Variants in NUSAP1 observed in about 807,000 individuals in gnomAD.
NUSAP1 encodes the protein nucleolar and spindle associated protein 1.
In NUSAP1, 32 loss-of-function variants were observed where a neutral mutation model predicts 52.8. The ratio of observed to expected loss-of-function variants is 0.61; its 90% confidence interval spans 0.46 to 0.81. The LOEUF (loss-of-function observed/expected upper bound fraction) is 0.81. Ranked by LOEUF, NUSAP1 falls within the 40% of genes least tolerant of loss-of-function variation. The pLI is 0.00. For synonymous variants in NUSAP1, 195 were observed against 183.1 expected, an observed-to-expected ratio of 1.06 and a Z score of -0.52; for missense variants, 499 against 522.3, an observed-to-expected ratio of 0.96 and a Z score of 0.43.
intron 3 of NUSAP1, among the ~76,000 whole-genome samples, chr15:41,350,733 T>G (rs2140627972): frequency 6.6e-6 from 1 of 152,326 alleles, no homozygotes; most frequent in East Asian, 1.9e-4. Context: ...CTGTCTAGGT[T>G]TCTTCATTTG....
At chr15:41,355,500 C>T (rs1410950373) in intron 4 of NUSAP1, among the ~76,000 whole-genome samples, 3 of 151,802 alleles carry the variant, frequency 2.0e-5, no homozygotes, top group African/African-American at 7.3e-5. Flanking sequence ...TATATAACTT[C>T]TCCACAGGTG....
intron 7 of NUSAP1, among the ~76,000 whole-genome samples, chr15:41,371,219 CT>C (rs2049674417): frequency 6.6e-6 from 1 of 152,062 alleles, no homozygotes; most frequent in Non-Finnish European, 1.5e-5. Context: ...GGAAGGGGAG[CT>C]TTTGGCTTGC....
intron 4 of NUSAP1, among the ~76,000 whole-genome samples, chr15:41,355,298 G>C (rs1232212125): frequency 2.0e-5 from 3 of 151,646 alleles, no homozygotes; most frequent in African/African-American, 7.3e-5. Flanking sequence ...TCAGCCTCCT[G>C]AGTAGCTGGG....
chr15:41,345,610 C>T (rs1399074908), intron 2 of NUSAP1: 1 of 310,466 alleles, frequency 3.2e-6, no homozygotes, highest in African/African-American at 2.3e-5. Flanking sequence ...CAGGCATGCG[C>T]CACCACACCC....
intron 1 of NUSAP1, among the ~76,000 whole-genome samples, chr15:41,336,640 T>C (rs2048143913): frequency 2.0e-5 from 3 of 147,590 alleles, no homozygotes; most frequent in Admixed American, 2.0e-4. Context: ...TTGATCCTCC[T>C]CCTTTTGGTT....
At chr15:41,373,664 G>T (rs1179810213) in intron 8 of NUSAP1, among the ~76,000 whole-genome samples, 1 of 151,770 alleles carries the variant, frequency 6.6e-6, no homozygotes, top group Non-Finnish European at 1.5e-5. Flanking sequence ...TGGCCAGGTT[G>T]GTCTTGAACT....
chr15:41,342,215 C>G (rs1195965091), intron 1 of NUSAP1, among the ~76,000 whole-genome samples, 171 bp from the exon 2 acceptor site: 1 of 152,196 alleles, frequency 6.6e-6, no homozygotes, highest in Non-Finnish European at 1.5e-5. Flanking sequence ...TCTAACTTTC[C>G]CACTCAGATG....
intron 1 of NUSAP1, among the ~76,000 whole-genome samples, chr15:41,338,935 A>T (rs2140519866): frequency 6.6e-6 from 1 of 150,914 alleles, no homozygotes; most frequent in East Asian, 1.9e-4. Context: ...ACTGCACTCC[A>T]CCCTGGGCGA....
chr15:41,333,540 C>T lies in NUSAP1; in HGVS notation c.93+490C>T, dbSNP rs767831897. ...AAAAAAATCGACTTTTAGGGGAGCA[C>T]CTCCTTGGGTAAATTTTTATTGATG... is the stretch of plus-strand genomic sequence containing the variant. On this transcript the variant is annotated intron_variant, in intron 1 of 10. Transcript: ENST00000559596. 3.9e-5 allele frequency among the ~76,000 whole-genome samples: 6 copies of T among 152,068 alleles called. No homozygotes were observed. The South Asian group carries it at 6.2e-4, about 16-fold the overall frequency.
In NUSAP1 at chr15:41,368,534, T is replaced by G. The variant is rs2049513605; in HGVS notation, c.848+2945T>G. Among the ~76,000 whole-genome samples, 3 of 152,178 alleles carry G rather than the reference T, an allele frequency of 2.0e-5. No individual in the cohort carries two copies. In the South Asian group the frequency reaches 6.2e-4, roughly 31 times the overall value. ...CCCATTGATCCCTGTTTTTGTTTAC[T>G]TGTAACTTTTCTGACATCAAAGTCA... is the stretch of plus-strand genomic sequence containing the variant. On this transcript the variant is annotated intron_variant, in intron 7 of 10. Coordinates refer to ENST00000559596, the MANE Select transcript of NUSAP1 (RefSeq NM_016359.5).
chr15:41,361,173 C>T (rs906476831), intron 6 of NUSAP1, among the ~76,000 whole-genome samples: 3 of 151,758 alleles, frequency 2.0e-5, no homozygotes, highest in African/African-American at 7.3e-5. Context: ...GCAGGCGGAT[C>T]ACCTGAGGTC....
chr15:41,339,424 T>G (rs2048294180), intron 1 of NUSAP1, among the ~76,000 whole-genome samples: 1 of 151,900 alleles, frequency 6.6e-6, no homozygotes, highest in Non-Finnish European at 1.5e-5. Flanking sequence ...TTTTTTTTTT[T>G]TTTGAGACGG....
At chr15:41,370,479 G>T (rs995820430) in intron 7 of NUSAP1, among the ~76,000 whole-genome samples, 3 of 151,924 alleles carry the variant, frequency 2.0e-5, no homozygotes, top group Non-Finnish European at 4.4e-5. Flanking sequence ...AGCTGGGCGC[G>T]GTGGCTCATG....
intron 4 of NUSAP1, 129 bp downstream of exon 4, chr15:41,351,258 T>TGTAAA: frequency 3.4e-6 from 3 of 889,492 alleles, no homozygotes. Context: ...ACAACAGAAA[T>TGTAAA]TTACTCTTTC....
At chr15:41,365,187 A>C (rs1229543238) in intron 6 of NUSAP1, among the ~76,000 whole-genome samples, 1 of 152,058 alleles carries the variant, frequency 6.6e-6, no homozygotes, top group Non-Finnish European at 1.5e-5. Flanking sequence ...TTGTTTTTTG[A>C]GATGTAGTCT....
intron 10 of NUSAP1, among the ~76,000 whole-genome samples, chr15:41,379,102 C>T (rs552561477): frequency 3.3e-5 from 5 of 151,314 alleles, no homozygotes; most frequent in Admixed American, 1.3e-4. Flanking sequence ...TACAGGTTCC[C>T]GCCCCCGCGT....
At chr15:41,341,311 G>A (rs2048358428) in intron 1 of NUSAP1, among the ~76,000 whole-genome samples, 1 of 152,062 alleles carries the variant, frequency 6.6e-6, no homozygotes, top group East Asian at 1.9e-4. Context: ...TGATCCACCT[G>A]CCTCGGCCTC....
At chr15:41,349,766 CTTTTTTT>C (rs1181209511) in intron 3 of NUSAP1, among the ~76,000 whole-genome samples, 9 of 123,546 alleles carry the variant, frequency 7.3e-5, no homozygotes, top group South Asian at 2.7e-4. Context: ...TTTTTCTTTT[CTTTTTTT>C]TTTTTTTTTT....
intron 2 of NUSAP1, among the ~76,000 whole-genome samples, chr15:41,344,470 C>G (rs1255689319): frequency 1.3e-5 from 2 of 151,766 alleles, no homozygotes; most frequent in Non-Finnish European, 2.9e-5. Context: ...AACCCTGTCT[C>G]TACTAAAAAT....
Sources: allele counts gnomAD v4.1 joint callset (sites outside exome capture counted in the v4.1 genomes callset), GRCh38; gene constraint gnomAD v4.1.1; transcripts MANE v1.5; gene names NCBI Gene and HGNC (gene_info 2026-07-23, HGNC 2026-07-21).